BBS9: variants seen among roughly 807,000 people sequenced by gnomAD.
The protein encoded by BBS9 is protein PTHB1.
BBS9 carries 89 observed loss-of-function variants against 117.7 expected under a neutral mutation model. The observed-to-expected ratio is 0.76, with a 90% CI of 0.64 to 0.90. BBS9 has a LOEUF of 0.90. BBS9 is among the 40% of genes least tolerant of loss of function. The pLI is 0.00. For synonymous variants in BBS9, 379 were observed against 370.9 expected, an observed-to-expected ratio of 1.02 and a Z score of -0.25; for missense variants, 982 against 1,042.2, an observed-to-expected ratio of 0.94 and a Z score of 0.80.
intron 21 of BBS9, among the ~76,000 whole-genome samples, chr7:33,611,690 T>C (rs1175204979): frequency 7.8e-6 from 1 of 128,942 alleles, no homozygotes; most frequent in Admixed American, 8.0e-5. Context: ...TAATTAATAA[T>C]TAATATTAAT....
intron 1 of BBS9, among the ~76,000 whole-genome samples, chr7:33,139,821 A>G (rs1163092891): frequency 6.6e-6 from 1 of 152,090 alleles, no homozygotes; most frequent in Non-Finnish European, 1.5e-5. Flanking sequence ...GTTGGTTACT[A>G]CTAATTTCTG....
chr7:33,428,859 A>G (rs138098423), intron 19 of BBS9, among the ~76,000 whole-genome samples: 205 of 152,256 alleles, frequency 1.3e-3, no homozygotes, highest in African/African-American at 3.6e-3. Flanking sequence ...TTGTTGTGCT[A>G]CTTGTTAGAA....
chr7:33,255,938 A>C (rs1177162622), intron 5 of BBS9, among the ~76,000 whole-genome samples: 2 of 152,292 alleles, frequency 1.3e-5, no homozygotes, highest in East Asian at 3.9e-4. Flanking sequence ...TGGGCGGATC[A>C]TGAGGTCAAG....
intron 20 of BBS9, among the ~76,000 whole-genome samples, chr7:33,517,242 C>CAT (rs142041408): frequency 0.09 from 13,678 of 152,252 alleles, 1,607 homozygotes; most frequent in African/African-American, 0.27. Context: ...AAGGACTTTT[C>CAT]ATATGTTATT....
At chr7:33,256,288 A>G (rs1480204586) in intron 5 of BBS9, among the ~76,000 whole-genome samples, 1 of 152,266 alleles carries the variant, frequency 6.6e-6, no homozygotes, top group Non-Finnish European at 1.5e-5. Context: ...CAGCATTAAT[A>G]TAAACAATTT....
At position 33,180,807 on chromosome 7, in the gene BBS9, C is replaced by T. The variant is rs569796491; in HGVS notation, c.442+3216C>T. Among the ~76,000 whole-genome samples, 9 of 152,216 alleles carry T rather than the reference C, an allele frequency of 5.9e-5. No homozygotes were observed. The South Asian group carries it at 1.0e-3, about 18-fold the overall frequency. ...GGAGAAATGTCCCACTGCCTTGTTG[C>T]GGTAGCCTCAGGGTGAGAGACTGGG... On this transcript the variant is annotated intron_variant, in intron 5 of 22. Coordinates refer to ENST00000242067, the MANE Select transcript of BBS9 (RefSeq NM_198428.3).
In BBS9 at chr7:33,272,881, A is replaced by G. The variant is rs925304395; in HGVS notation, c.703-131A>G. 13 of 904,024 alleles carry G rather than the reference A, an allele frequency of 1.4e-5. No homozygotes were observed. In the African/African-American group the frequency reaches 2.0e-4, roughly 14 times the overall value. The allele number at this position is 904,024 out of a possible 1,614,324, so 56.0% of individuals were successfully genotyped here. A position where few individuals can be genotyped will look rare whatever the true frequency, so the allele number is the denominator to read the frequency against. ...CATAGTGATAAAAAAAAGAATAAAGAAATGAAAGAGATTAGCCCATCTTTA... is the reference window on the plus strand; with the variant it reads ...CATAGTGATAAAAAAAAGAATAAAGGAATGAAAGAGATTAGCCCATCTTTA... On this transcript the variant is annotated intron_variant, in intron 7 of 22. Coordinates refer to ENST00000242067, the MANE Select transcript of BBS9 (RefSeq NM_198428.3).
intron 19 of BBS9, among the ~76,000 whole-genome samples, chr7:33,451,649 G>A (rs573208068): frequency 1.1e-4 from 17 of 152,224 alleles, no homozygotes; most frequent in African/African-American, 3.6e-4. Context: ...GCTTTGTTCT[G>A]TCTCACTGTT....
At chr7:33,230,806 T>C (rs1157687145) in intron 5 of BBS9, among the ~76,000 whole-genome samples, 1 of 152,228 alleles carries the variant, frequency 6.6e-6, no homozygotes. Flanking sequence ...ACATTTTCTT[T>C]ATCCACTCAT....
chr7:33,334,455 G>A (rs935880755), intron 9 of BBS9, among the ~76,000 whole-genome samples: 3 of 152,116 alleles, frequency 2.0e-5, no homozygotes, highest in African/African-American at 7.2e-5. Context: ...TGGGTTCGTA[G>A]GGCTTAGTGG....
intron 19 of BBS9, among the ~76,000 whole-genome samples, chr7:33,391,410 A>G (rs996390539): frequency 3.3e-5 from 5 of 152,216 alleles, no homozygotes; most frequent in Non-Finnish European, 7.3e-5. Context: ...TATGAGACAC[A>G]CATACACACA....
chr7:33,245,364 A>G (rs1274431843), intron 5 of BBS9, among the ~76,000 whole-genome samples: 2 of 152,100 alleles, frequency 1.3e-5, no homozygotes, highest in African/African-American at 4.8e-5. Flanking sequence ...TGTTAGGCAT[A>G]CAATGAGTAC....
At chr7:33,598,569 T>C (rs971450369) in intron 21 of BBS9, among the ~76,000 whole-genome samples, 17 of 152,204 alleles carry the variant, frequency 1.1e-4, no homozygotes, top group African/African-American at 3.9e-4. Flanking sequence ...TAATGAAAGA[T>C]ATTAATAGGG....
intron 21 of BBS9, among the ~76,000 whole-genome samples, chr7:33,540,146 C>T (rs1212057658): frequency 6.6e-6 from 1 of 152,164 alleles, no homozygotes; most frequent in Non-Finnish European, 1.5e-5. Context: ...ACTCTAACCA[C>T]ATGTGCTAAT....
chr7:33,524,605 T>G (rs1849179574), intron 20 of BBS9, among the ~76,000 whole-genome samples: 1 of 152,188 alleles, frequency 6.6e-6, no homozygotes. Flanking sequence ...ATCCCCTTTA[T>G]CATTTTTTAT....
rs114037539 is a variant in BBS9, at chr7:33,262,746, C to T, written c.618-1544C>T. On this transcript the variant is annotated intron_variant, in intron 6 of 22. Coordinates refer to ENST00000242067, the MANE Select transcript of BBS9 (RefSeq NM_198428.3). The stretch of plus-strand genomic sequence containing the variant: ...ATGGCCTTTCATGTCTCTTTTACTG[C>T]TGCATGCCTTTGCATTTGTTATTTG... Among the ~76,000 whole-genome samples the T allele has an allele frequency of 2.1e-3, 316 of 152,262 alleles. 1 individual carries two copies. Among genetic ancestry groups the T allele is most frequent in the African/African-American group, 7.2e-3 (301 of 41,538 alleles).
At chr7:33,530,334 C>T (rs974575586) in intron 20 of BBS9, among the ~76,000 whole-genome samples, 1 of 152,134 alleles carries the variant, frequency 6.6e-6, no homozygotes, top group Non-Finnish European at 1.5e-5. Flanking sequence ...AAGTTGGCAT[C>T]AGGAAAATAA....
At chr7:33,297,030 T>C (rs1046215967) in intron 9 of BBS9, among the ~76,000 whole-genome samples, 1 of 152,184 alleles carries the variant, frequency 6.6e-6, no homozygotes, top group Non-Finnish European at 1.5e-5. Context: ...CTTTCTGATA[T>C]AGAAAAGACC....
At chr7:33,427,781 A>G (rs1833859583) in intron 19 of BBS9, among the ~76,000 whole-genome samples, 1 of 152,172 alleles carries the variant, frequency 6.6e-6, no homozygotes. Flanking sequence ...GGTTCTTATA[A>G]TATTCATTGC....
Sources: allele counts gnomAD v4.1 joint callset (sites outside exome capture counted in the v4.1 genomes callset), GRCh38; gene constraint gnomAD v4.1.1; transcripts MANE v1.5; gene names NCBI Gene and HGNC (gene_info 2026-07-23, HGNC 2026-07-21).